Variants in LARGE1 observed in about 807,000 individuals in gnomAD.
LARGE1 encodes the protein xylosyl- and glucuronyltransferase LARGE1.
In LARGE1, 43 loss-of-function variants were observed where a neutral mutation model predicts 87.6. The ratio of observed to expected loss-of-function variants is 0.49; its 90% CI spans 0.38 to 0.63. The LOEUF (loss-of-function observed/expected upper bound fraction) is 0.63. Ranked by LOEUF, LARGE1 falls within the 30% of genes least tolerant of loss-of-function variation. The probability of loss-of-function intolerance (pLI) is 0.00; values close to 1 mark genes in which losing one functional copy is unlikely to be tolerated. For synonymous variants in LARGE1, 434 were observed against 394.6 expected (o/e 1.10, Z -1.18); for missense variants, 802 against 1,000.2 (o/e 0.80, Z 2.67).
At chr22:33,915,040 C>CAGAGAGAGAGAGAGAGAGAGAG (rs1431046257) in intron 1 of LARGE1, among the ~76,000 whole-genome samples, 7 of 91,564 alleles carry the variant, frequency 7.6e-5, no homozygotes, top group African/African-American at 2.5e-4. Context: ...CACACACACA[C>CAGAGAGAGAGAGAGAGAGAGAG]ACAGAGAGAG....
intron 2 of LARGE1, among the ~76,000 whole-genome samples, chr22:33,740,889 G>A (rs569609397): frequency 1.3e-5 from 2 of 152,290 alleles, no homozygotes; most frequent in South Asian, 4.1e-4. Context: ...ATATGCTCAG[G>A]ATTCCCGACT....
intron 11 of LARGE1, among the ~76,000 whole-genome samples, chr22:33,258,878 CT>C (rs71187256): frequency 0.29 from 41,118 of 142,250 alleles, 5,778 homozygotes; most frequent in Non-Finnish European, 0.32. Flanking sequence ...TATGTTTCTT[CT>C]TTTTTTTTTT....
At chr22:33,436,890 T>C (rs2067291815) in intron 6 of LARGE1, among the ~76,000 whole-genome samples, 1 of 152,130 alleles carries the variant, frequency 6.6e-6, no homozygotes, top group Admixed American at 6.6e-5. Flanking sequence ...GGAAGAGCCA[T>C]TGTAGATACT....
At chr22:33,832,295 G>A (rs138553845) in intron 1 of LARGE1, among the ~76,000 whole-genome samples, 9 of 152,178 alleles carry the variant, frequency 5.9e-5, no homozygotes, top group South Asian at 4.1e-4. Flanking sequence ...CATTCTCATC[G>A]GTGAAAAGTC....
chr22:33,745,003 C>T (rs564741666), intron 2 of LARGE1, among the ~76,000 whole-genome samples: 3 of 152,184 alleles, frequency 2.0e-5, no homozygotes, highest in East Asian at 1.9e-4. Flanking sequence ...GCAGCACACA[C>T]GGCAAAGCCC....
chr22:33,547,227 G>A (rs571031079), intron 6 of LARGE1, among the ~76,000 whole-genome samples: 1 of 151,516 alleles, frequency 6.6e-6, no homozygotes. Flanking sequence ...GAAGGGTGGT[G>A]GGGGGGAGGG....
intron 7 of LARGE1, among the ~76,000 whole-genome samples, chr22:33,426,424 G>A (rs2066881725): frequency 6.6e-6 from 1 of 152,102 alleles, no homozygotes; most frequent in Non-Finnish European, 1.5e-5. Context: ...TTCAGAACAC[G>A]AAGAGATCTT....
the LARGE1 span, among the ~76,000 whole-genome samples, chr22:33,119,870 G>A: frequency 1.3e-5 from 2 of 152,106 alleles, no homozygotes; most frequent in African/African-American, 4.8e-5. Flanking sequence ...TGGCTGCCCT[G>A]TCTGCCAGAG....
At chr22:33,797,913 C>T (rs1415968457) in intron 1 of LARGE1, among the ~76,000 whole-genome samples, 1 of 152,232 alleles carries the variant, frequency 6.6e-6, no homozygotes, top group African/African-American at 2.4e-5. Context: ...GATCATAATC[C>T]TAATGCACAG....
At chr22:33,359,908 G>A (rs893982734) in intron 9 of LARGE1, among the ~76,000 whole-genome samples, 1 of 149,588 alleles carries the variant, frequency 6.7e-6, no homozygotes, top group Non-Finnish European at 1.5e-5. Flanking sequence ...CAATCTAGGA[G>A]TGGCCAACCC....
chr22:33,463,699 G>T lies in LARGE1; in HGVS notation c.788-31434C>A, dbSNP rs182861400. On this transcript the variant is annotated intron_variant, in intron 6 of 14. Coordinates refer to ENST00000397394, the MANE Select transcript of LARGE1 (RefSeq NM_133642.5). ...TGGTACTATATTTTTTTGAGACAGA[G>T]TCTTACTCTGTCACCCAGGCTGGAG... is the stretch of plus-strand genomic sequence containing the variant. Among the ~76,000 whole-genome samples the T allele has an allele frequency of 2.8e-3, 429 of 152,234 alleles. 2 individuals are homozygous for T. Among genetic ancestry groups the T allele is most frequent in the Middle Eastern group, 0.024 (7 of 294 alleles).
chr22:33,115,665 A>T, the LARGE1 span, among the ~76,000 whole-genome samples: 3 of 152,020 alleles, frequency 2.0e-5, no homozygotes, highest in African/African-American at 4.8e-5. Flanking sequence ...AAAATAAAAA[A>T]AAATTAGCTG....
intron 3 of LARGE1, among the ~76,000 whole-genome samples, chr22:33,627,509 C>G (rs976014565): frequency 2.0e-5 from 3 of 152,210 alleles, no homozygotes; most frequent in Non-Finnish European, 1.5e-5. Context: ...CTGAGAGATG[C>G]CTTTTCTTTT....
chr22:33,378,837 T>G (rs1030976289), intron 9 of LARGE1, among the ~76,000 whole-genome samples: 8 of 152,218 alleles, frequency 5.3e-5, no homozygotes, highest in Admixed American at 5.2e-4. Flanking sequence ...CTGACAGATT[T>G]GCTGTAAATC....
At chr22:33,113,736 C>T in the LARGE1 span, among the ~76,000 whole-genome samples, 1 of 152,180 alleles carries the variant, frequency 6.6e-6, no homozygotes, top group Non-Finnish European at 1.5e-5. Context: ...ATTCTCTCTC[C>T]CAGTAGACTG....
At chr22:33,251,826 T>C (rs552672157) in intron 11 of LARGE1, among the ~76,000 whole-genome samples, 1 of 152,306 alleles carries the variant, frequency 6.6e-6, no homozygotes, top group Admixed American at 6.5e-5. Flanking sequence ...CGTAAAGAAG[T>C]GCAAACTATG....
chr22:33,854,279 G>T (rs1311033021), intron 1 of LARGE1, among the ~76,000 whole-genome samples: 2 of 149,530 alleles, frequency 1.3e-5, no homozygotes, highest in Non-Finnish European at 3.0e-5. Flanking sequence ...GCCATGACAG[G>T]CTGCTTTGTT....
At chr22:33,598,702 C>G (rs772373226) in intron 5 of LARGE1, among the ~76,000 whole-genome samples, 24 of 152,198 alleles carry the variant, frequency 1.6e-4, no homozygotes, top group Non-Finnish European at 1.2e-4. Context: ...AGGACATGAA[C>G]TTATCCTTTT....
At chr22:33,398,877 CAGAAGAATT>C (rs1160857988) in intron 7 of LARGE1, among the ~76,000 whole-genome samples, 1 of 152,148 alleles carries the variant, frequency 6.6e-6, no homozygotes, top group Non-Finnish European at 1.5e-5. Flanking sequence ...AAGGAAGAAT[CAGAAGAATT>C]TTCCCCTAGA....
Sources: gnomAD v4.1 joint callset for allele counts (sites outside exome capture counted in the v4.1 genomes callset) on GRCh38, gnomAD v4.1.1 for gene constraint, MANE v1.5 for transcripts, NCBI Gene and HGNC (gene_info 2026-07-23, HGNC 2026-07-21) for gene names.